The following SPATA6 variants were observed in gnomAD, a reference collection of about 807,000 sequenced individuals.
SPATA6 encodes spermatogenesis associated 6, also known as spermatogenesis-associated protein 6.
Under a neutral mutation model 65.3 loss-of-function variants are expected in SPATA6, and 56 were observed. The ratio of observed to expected loss-of-function variants is 0.86; its 90% CI spans 0.69 to 1.07. The LOEUF is 1.07. Among genes scored for constraint, SPATA6 ranks in the 50% least tolerant of loss-of-function variants. SPATA6 has a pLI of 0.00. For missense variants in SPATA6, 590 were observed against 594.8 expected (o/e 0.99, Z 0.08); for synonymous variants, 199 against 213.2 (o/e 0.93, Z 0.58).
At position 48,295,723 on chromosome 1, in the gene SPATA6, A is replaced by G. The variant is rs1411825844; in HGVS notation, c.*2990T>C. The G allele has an allele frequency of 6.6e-6, 1 of 152,222 alleles. No homozygotes were observed. The highest frequency in any genetic ancestry group is 1.5e-5 in the Non-Finnish European group (1 of 68,032). The allele number at this position is 152,222 out of a possible 1,614,324, so 9.4% of individuals were successfully genotyped here. Reference sequence around the variant, plus strand: ...ATTGTATACTTTTTCAGAGTGAATTATATCTCAATAAAGCTATTATTAGCA... The same window carrying G: ...ATTGTATACTTTTTCAGAGTGAATTGTATCTCAATAAAGCTATTATTAGCA... On this transcript the variant is annotated 3_prime_UTR_variant, in exon 13 of 13. Transcript: ENST00000371847.
In SPATA6 at chr1:48,296,604, A is replaced by C. The variant is rs1048055728; in HGVS notation, c.*2109T>G. ...TTCTTTTCACCAAACAGCAACTCTT[A>C]AAAGAATTTTCACTTATTTTTCCAT... On this transcript the variant is annotated 3_prime_UTR_variant, in exon 13 of 13. Transcript: ENST00000371847. 1 of 152,178 alleles carries C rather than the reference A, an allele frequency of 6.6e-6. No individual in the cohort carries two copies. Among genetic ancestry groups the C allele is most frequent in the African/African-American group, 2.4e-5 (1 of 41,438 alleles). The allele number at this position is 152,178 out of a possible 1,614,324, so 9.4% of individuals were successfully genotyped here.
intron 9 of SPATA6, among the ~76,000 whole-genome samples, chr1:48,374,037 T>C (rs1246937040): frequency 2.6e-5 from 4 of 152,194 alleles, no homozygotes; most frequent in African/African-American, 7.2e-5. Context: ...CTAGGCCCCA[T>C]CTACCTGCAA....
intron 7 of SPATA6, 166 bp downstream of exon 7, chr1:48,399,185 G>A: frequency 1.2e-6 from 1 of 823,170 alleles, no homozygotes; most frequent in Non-Finnish European, 1.8e-6. Context: ...AAAAAAGCAA[G>A]TTCTTTCATT....
intron 3 of SPATA6, among the ~76,000 whole-genome samples, chr1:48,445,632 A>C (rs904196165): frequency 9.3e-5 from 12 of 129,160 alleles, no homozygotes; most frequent in Non-Finnish European, 1.2e-4. Flanking sequence ...TGCACTCCAG[A>C]CTGGGAGAGA....
intron 7 of SPATA6, among the ~76,000 whole-genome samples, chr1:48,398,633 G>A (rs1650833528): frequency 6.6e-6 from 1 of 151,684 alleles, no homozygotes; most frequent in Non-Finnish European, 1.5e-5. Context: ...TTTCAGTAAA[G>A]AATTGCTTTT....
the SPATA6 span, among the ~76,000 whole-genome samples, chr1:48,276,935 C>T: frequency 6.6e-6 from 1 of 151,782 alleles, no homozygotes; most frequent in Non-Finnish European, 1.5e-5. Context: ...GTGTTCAAGT[C>T]TTCCACTATT....
chr1:48,357,782 C>T (rs1385223029), intron 10 of SPATA6, among the ~76,000 whole-genome samples: 1 of 152,064 alleles, frequency 6.6e-6, no homozygotes, highest in Non-Finnish European at 1.5e-5. Context: ...GACATTTTAT[C>T]TTCCTTTAGA....
At chr1:48,471,263 T>A (rs983080921) in intron 1 of SPATA6, among the ~76,000 whole-genome samples, 3 of 151,952 alleles carry the variant, frequency 2.0e-5, no homozygotes, top group African/African-American at 7.2e-5. Context: ...GGTTGCAAGG[T>A]TGGAGAAGGA....
At chr1:48,348,135 G>A (rs1326500423) in intron 11 of SPATA6, among the ~76,000 whole-genome samples, 1 of 151,824 alleles carries the variant, frequency 6.6e-6, no homozygotes, top group African/African-American at 2.4e-5. Flanking sequence ...CAACCTACTG[G>A]GTGATTACAA....
chr1:48,277,913 C>A, the SPATA6 span, among the ~76,000 whole-genome samples: 2 of 152,228 alleles, frequency 1.3e-5, no homozygotes, highest in Non-Finnish European at 2.9e-5. Context: ...AATGAGCAGC[C>A]TAACTGGGAG....
intron 7 of SPATA6, 104 bp downstream of exon 7, chr1:48,399,247 G>A: frequency 7.7e-7 from 1 of 1,299,894 alleles, no homozygotes; most frequent in Non-Finnish European, 1.1e-6. Flanking sequence ...GAAGAGAAAA[G>A]TATTATTAAT....
chr1:48,359,845 A>G, intron 9 of SPATA6, 75 bp from the exon 10 acceptor site: 3 of 1,182,438 alleles, frequency 2.5e-6, no homozygotes. Context: ...ATAGTAATAT[A>G]GTATGCATAG....
chr1:48,342,008 G>A (rs889941869), intron 11 of SPATA6, among the ~76,000 whole-genome samples: 1 of 152,150 alleles, frequency 6.6e-6, no homozygotes, highest in African/African-American at 2.4e-5. Context: ...AGCACTATTA[G>A]TATTAGCCCA....
chr1:48,358,737 C>T (rs1261316423), intron 10 of SPATA6, among the ~76,000 whole-genome samples: 1 of 152,140 alleles, frequency 6.6e-6, no homozygotes, highest in Non-Finnish European at 1.5e-5. Context: ...CACTATCCCG[C>T]AACAGGCATG....
chr1:48,373,685 G>T (rs1647562614), intron 9 of SPATA6, among the ~76,000 whole-genome samples: 1 of 152,162 alleles, frequency 6.6e-6, no homozygotes, highest in Non-Finnish European at 1.5e-5. Context: ...GTTCCACATG[G>T]CTGGAGAGGT....
intron 3 of SPATA6, among the ~76,000 whole-genome samples, chr1:48,437,562 C>T (rs1655053902): frequency 6.6e-6 from 1 of 152,108 alleles, no homozygotes; most frequent in African/African-American, 2.4e-5. Context: ...GGGAATGAGC[C>T]CTCAGAGGAC....
chr1:48,395,851 A>G (rs1650535751), intron 7 of SPATA6, among the ~76,000 whole-genome samples: 1 of 151,870 alleles, frequency 6.6e-6, no homozygotes, highest in African/African-American at 2.4e-5. Flanking sequence ...AGAATGATAC[A>G]AATGTATAAA....
intron 11 of SPATA6, among the ~76,000 whole-genome samples, chr1:48,333,827 AC>A (rs1421886974): frequency 1.3e-5 from 2 of 152,190 alleles, no homozygotes; most frequent in African/African-American, 4.8e-5. Context: ...ACATAAAAAA[AC>A]ATACAAAAGA....
intron 1 of SPATA6, among the ~76,000 whole-genome samples, chr1:48,462,087 C>G (rs1027989100): frequency 3.9e-5 from 6 of 151,992 alleles, no homozygotes; most frequent in Non-Finnish European, 7.4e-5. Flanking sequence ...AGTAAACTAT[C>G]GCAAGGACAA....
Sources: gnomAD v4.1 joint callset for allele counts (sites outside exome capture counted in the v4.1 genomes callset) on GRCh38, gnomAD v4.1.1 for gene constraint, MANE v1.5 for transcripts, NCBI Gene and HGNC (gene_info 2026-07-23, HGNC 2026-07-21) for gene names.